The following USH2A variants were observed in gnomAD, a reference collection of about 807,000 sequenced individuals.
USH2A encodes the protein usherin.
USH2A carries 443 observed loss-of-function variants against 538.9 expected under a neutral mutation model. The ratio of observed to expected loss-of-function variants is 0.82; its 90% confidence interval spans 0.76 to 0.89. The LOEUF is 0.89. Ranked by LOEUF, USH2A falls within the 40% of genes least tolerant of loss-of-function variation. USH2A has a pLI of 0.00. For synonymous variants in USH2A, 2,413 were observed against 2,273.5 expected, an observed-to-expected ratio of 1.06 and a Z score of -1.75; for missense variants, 6,633 against 6,324.8, an observed-to-expected ratio of 1.05 and a Z score of -1.65.
intron 50 of USH2A, among the ~76,000 whole-genome samples, chr1:215,791,813 T>G (rs1468590544): frequency 6.6e-6 from 1 of 152,342 alleles, no homozygotes; most frequent in East Asian, 1.9e-4. Context: ...CATATTTATG[T>G]GTGTGTAGCT....
chr1:215,906,555 A>T (rs1049544268), intron 38 of USH2A, among the ~76,000 whole-genome samples: 1 of 152,048 alleles, frequency 6.6e-6, no homozygotes, highest in Non-Finnish European at 1.5e-5. Context: ...AAATATATTA[A>T]ATCTATATAA....
At chr1:216,408,554 C>T (rs1417220000) in intron 3 of USH2A, among the ~76,000 whole-genome samples, 3 of 152,146 alleles carry the variant, frequency 2.0e-5, no homozygotes, top group Admixed American at 6.6e-5. Context: ...ATACATTGTT[C>T]AGAATTTCAT....
intron 49 of USH2A, among the ~76,000 whole-genome samples, chr1:215,812,301 A>T (rs1456495945): frequency 6.6e-6 from 1 of 151,944 alleles, no homozygotes; most frequent in Non-Finnish European, 1.5e-5. Flanking sequence ...CTAGGTTTTG[A>T]ATTTTCTGGG....
rs189174532 is a variant in USH2A, at chr1:215,853,894, C to T, written c.8846-7861G>A. Reference sequence around the variant, plus strand: ...TTTTGGTCAAAGCCATTCAACAAATCTTTAGGGAGTTCCAAACTTTCCCAC... The same window carrying T: ...TTTTGGTCAAAGCCATTCAACAAATTTTTAGGGAGTTCCAAACTTTCCCAC... On this transcript the variant is annotated intron_variant, in intron 44 of 71. Coordinates refer to ENST00000307340, the MANE Select transcript of USH2A (RefSeq NM_206933.4). 5.8e-3 allele frequency among the ~76,000 whole-genome samples: 879 copies of T among 152,306 alleles called. 7 individuals carry two copies. Among genetic ancestry groups the T allele is most frequent in the African/African-American group, 0.02 (825 of 41,564 alleles).
At chr1:216,094,079 T>C (rs565504504) in intron 22 of USH2A, among the ~76,000 whole-genome samples, 11 of 152,320 alleles carry the variant, frequency 7.2e-5, no homozygotes, top group Middle Eastern at 3.4e-3. Flanking sequence ...CCATCTGGCT[T>C]CTTCTTAAAT....
At chr1:215,731,335 A>C (rs1258252883) in intron 60 of USH2A, among the ~76,000 whole-genome samples, 3 of 152,332 alleles carry the variant, frequency 2.0e-5, no homozygotes, top group East Asian at 3.9e-4. Context: ...CTGCACTGCT[A>C]AAAAACAGAG....
chr1:215,747,676 CG>C (rs1660508633), intron 58 of USH2A, among the ~76,000 whole-genome samples: 1 of 152,234 alleles, frequency 6.6e-6, no homozygotes, highest in Admixed American at 6.5e-5. Context: ...AAGAAGGAAT[CG>C]GGGACCCTCT....
chr1:215,970,891 A>C, intron 35 of USH2A, 115 bp from the exon 36 acceptor site: 1 of 1,045,928 alleles, frequency 9.6e-7, no homozygotes. Flanking sequence ...TAAATCACAG[A>C]CTCTGGTATT....
intron 30 of USH2A, among the ~76,000 whole-genome samples, chr1:216,060,980 G>A (rs549785930): frequency 2.2e-4 from 34 of 152,310 alleles, no homozygotes; most frequent in African/African-American, 7.9e-4. Context: ...CAAATCTAAA[G>A]ATACACAGGA....
At chr1:215,829,055 C>T (rs1277378514) in intron 47 of USH2A, among the ~76,000 whole-genome samples, 1 of 152,072 alleles carries the variant, frequency 6.6e-6, no homozygotes, top group Non-Finnish European at 1.5e-5. Flanking sequence ...AAATGAACTA[C>T]CCAGGGCACA....
At chr1:216,339,497 T>C (rs963457257) in intron 4 of USH2A, among the ~76,000 whole-genome samples, 6 of 151,768 alleles carry the variant, frequency 4.0e-5, no homozygotes, top group Admixed American at 2.6e-4. Context: ...GAGGAGGTTG[T>C]TGATGAATTT....
At chr1:216,235,770 T>G (rs1219566440) in intron 13 of USH2A, among the ~76,000 whole-genome samples, 1 of 152,164 alleles carries the variant, frequency 6.6e-6, no homozygotes, top group East Asian at 1.9e-4. Flanking sequence ...CCTCTAGGCT[T>G]TATTCAAGAA....
rs1247084813 is a variant in USH2A at position 216,338,950 on chromosome 1, T to A, written c.785-11296A>T. Among the ~76,000 whole-genome samples, 3 of 151,760 alleles carry A rather than the reference T, an allele frequency of 2.0e-5. No homozygotes were observed. The South Asian group carries it at 6.2e-4, about 31-fold the overall frequency. ...GGCAAATTGGTTCAACCACTTTAGA[T>A]AACAGTTTGGCGATATATCAAAATG... On this transcript the variant is annotated intron_variant, in intron 4 of 71. Coordinates refer to ENST00000307340, the MANE Select transcript of USH2A (RefSeq NM_206933.4).
chr1:216,234,776 G>A (rs2035773453), intron 13 of USH2A, among the ~76,000 whole-genome samples: 2 of 152,248 alleles, frequency 1.3e-5, no homozygotes, highest in South Asian at 2.1e-4. Flanking sequence ...AGATAAACCT[G>A]TAAGTACAAG....
chr1:216,220,169 C>T (rs1279005390), intron 14 of USH2A, among the ~76,000 whole-genome samples: 1 of 151,930 alleles, frequency 6.6e-6, no homozygotes, highest in Non-Finnish European at 1.5e-5. Flanking sequence ...GTAGGAGGCC[C>T]AGAGATATAT....
intron 61 of USH2A, among the ~76,000 whole-genome samples, chr1:215,691,495 T>G (rs1231332281): frequency 6.6e-6 from 1 of 152,134 alleles, no homozygotes; most frequent in African/African-American, 2.4e-5. Flanking sequence ...ATGCATAGGT[T>G]TGCATGAGTA....
intron 30 of USH2A, 21 bp from the exon 31 acceptor site, chr1:216,048,668 A>G (rs776525918): frequency 6.3e-7 from 1 of 1,598,046 alleles, no homozygotes; most frequent in Non-Finnish European, 8.6e-7. Flanking sequence ...AAGGGACAAA[A>G]GAGGGTTGCG....
intron 3 of USH2A, among the ~76,000 whole-genome samples, chr1:216,408,888 C>A (rs1468200462): frequency 2.6e-5 from 4 of 152,132 alleles, no homozygotes; most frequent in African/African-American, 9.7e-5. Flanking sequence ...ACCTCCCAGG[C>A]AGGAGGTATG....
At chr1:216,294,201 A>C (rs1366425120) in intron 9 of USH2A, among the ~76,000 whole-genome samples, 1 of 152,182 alleles carries the variant, frequency 6.6e-6, no homozygotes, top group Non-Finnish European at 1.5e-5. Context: ...TAACAATTCA[A>C]CTGAACTGAG....
Sources: gnomAD v4.1 joint callset for allele counts (sites outside exome capture counted in the v4.1 genomes callset) on GRCh38, gnomAD v4.1.1 for gene constraint, MANE v1.5 for transcripts, NCBI Gene and HGNC (gene_info 2026-07-23, HGNC 2026-07-21) for gene names.